Variants in PARP8 observed in about 807,000 individuals in gnomAD.
PARP8 encodes protein mono-ADP-ribosyltransferase PARP8.
A neutral mutation model predicts 124.1 loss-of-function variants in PARP8; 51 were observed. That is an observed-to-expected ratio of 0.41 (90% CI 0.33 to 0.52). PARP8 has a LOEUF of 0.52. Among genes scored for constraint, PARP8 ranks in the 20% least tolerant of loss-of-function variants. The pLI is 0.21. For synonymous variants in PARP8, 391 were observed against 361.5 expected (o/e 1.08, Z -0.93); for missense variants, 860 against 1,018.9 (o/e 0.84, Z 2.12).
At chr5:50,779,930 C>T (rs1399421009) in intron 9 of PARP8, among the ~76,000 whole-genome samples, 1 of 152,028 alleles carries the variant, frequency 6.6e-6, no homozygotes, top group African/African-American at 2.4e-5. Flanking sequence ...ATATAAATTA[C>T]ATATTCTAAC....
At chr5:50,771,317 G>A (rs1424939697) in intron 7 of PARP8, among the ~76,000 whole-genome samples, 3 of 151,952 alleles carry the variant, frequency 2.0e-5, no homozygotes, top group Non-Finnish European at 2.9e-5. Context: ...TTGCCACCAC[G>A]CCTGGCTAAT....
At chr5:50,768,170 A>G (rs1370468229) in intron 7 of PARP8, among the ~76,000 whole-genome samples, 2 of 152,226 alleles carry the variant, frequency 1.3e-5, no homozygotes, top group Non-Finnish European at 2.9e-5. Context: ...TTTATAGACA[A>G]AGGAGGACCA....
chr5:50,834,782 C>T (rs1254233752), intron 24 of PARP8, 149 bp from the exon 25 acceptor site: 43 of 698,590 alleles, frequency 6.2e-5, no homozygotes, highest in Non-Finnish European at 2.1e-5. Flanking sequence ...TATATTTCTT[C>T]ATAGACAATA....
intron 7 of PARP8, among the ~76,000 whole-genome samples, chr5:50,777,588 A>G (rs1740172638): frequency 6.6e-6 from 1 of 151,916 alleles, no homozygotes; most frequent in South Asian, 2.1e-4. Flanking sequence ...CAAAACACTG[A>G]CATTTAAGTG....
At chr5:50,771,197 T>C (rs1443400580) in intron 7 of PARP8, among the ~76,000 whole-genome samples, 1 of 151,990 alleles carries the variant, frequency 6.6e-6, no homozygotes, top group Non-Finnish European at 1.5e-5. Flanking sequence ...TTTGCTCTTG[T>C]TGCCCAAGCT....
At chr5:50,772,148 AG>A (rs1196791291) in intron 7 of PARP8, among the ~76,000 whole-genome samples, 24 of 152,224 alleles carry the variant, frequency 1.6e-4, no homozygotes, top group African/African-American at 5.3e-4. Context: ...TGTGTCCTCC[AG>A]GTTTATCCAT....
At chr5:50,834,829 A>G (rs746241705) in intron 24 of PARP8, 102 bp from the exon 25 acceptor site, 63 of 969,068 alleles carry the variant, frequency 6.5e-5, no homozygotes, top group Middle Eastern at 6.2e-4. Context: ...TAGTGCTTGT[A>G]TTTTTGCTTT....
At chr5:50,699,695 A>G (rs1753386402) in intron 2 of PARP8, among the ~76,000 whole-genome samples, 1 of 152,200 alleles carries the variant, frequency 6.6e-6, no homozygotes, top group Non-Finnish European at 1.5e-5. Flanking sequence ...GAATGTGATT[A>G]TATGGGCCTC....
At chr5:50,769,485 A>G (rs2149591362) in intron 7 of PARP8, among the ~76,000 whole-genome samples, 1 of 152,190 alleles carries the variant, frequency 6.6e-6, no homozygotes, top group South Asian at 2.1e-4. Context: ...TTTAAAAAGT[A>G]ACTAAACAAC....
chr5:50,707,639 G>C lies in PARP8; in HGVS notation c.146+39514G>C, dbSNP rs1406553923. Among the ~76,000 whole-genome samples the C allele has an allele frequency of 7.3e-5, 11 of 151,148 alleles. 1 individual carries two copies. In the East Asian group the frequency reaches 2.2e-3, roughly 30 times the overall value. Reference sequence around the variant, plus strand: ...TAGATAGGGGAGACAGAGAGAGAGAGAGAGAGAGAGAGAGAGAGAGAGAGA... The same window carrying C: ...TAGATAGGGGAGACAGAGAGAGAGACAGAGAGAGAGAGAGAGAGAGAGAGA... On this transcript the variant is annotated intron_variant, in intron 2 of 25. Coordinates refer to ENST00000281631, the MANE Select transcript of PARP8 (RefSeq NM_024615.4).
At chr5:50,822,507 G>T in intron 17 of PARP8, 107 bp downstream of exon 17, 1 of 854,134 alleles carries the variant, frequency 1.2e-6, no homozygotes, top group East Asian at 2.5e-5. Flanking sequence ...TTAAAAATTT[G>T]TGCGGTATTA....
At chr5:50,698,360 A>T (rs144374719) in intron 2 of PARP8, among the ~76,000 whole-genome samples, 1 of 152,218 alleles carries the variant, frequency 6.6e-6, no homozygotes, top group Non-Finnish European at 1.5e-5. Context: ...TATTGTTTTC[A>T]GGGCTACCTG....
chr5:50,836,416 A>G lies in PARP8; in HGVS notation c.2462+1401A>G, dbSNP rs145693186. Among the ~76,000 whole-genome samples the G allele has an allele frequency of 3.1e-3, 468 of 152,306 alleles. 1 individual carries two copies. The highest frequency in any genetic ancestry group is 4.9e-3 in the Non-Finnish European group (331 of 68,018). On this transcript the variant is annotated intron_variant, in intron 25 of 25. Coordinates refer to ENST00000281631, the MANE Select transcript of PARP8 (RefSeq NM_024615.4). The stretch of plus-strand genomic sequence containing the variant: ...GGTCATCCACAATTAGATTATTTAC[A>G]AGGGTATGATTATAAGGAAACCGCA...
chr5:50,829,532 G>A (rs1236547073), intron 21 of PARP8, among the ~76,000 whole-genome samples: 1 of 152,058 alleles, frequency 6.6e-6, no homozygotes, highest in Non-Finnish European at 1.5e-5. Flanking sequence ...TGAGCAGGAC[G>A]CTTTGTTTAT....
chr5:50,773,543 A>G (rs1375726260), intron 7 of PARP8, among the ~76,000 whole-genome samples: 1 of 152,106 alleles, frequency 6.6e-6, no homozygotes, highest in Non-Finnish European at 1.5e-5. Flanking sequence ...GTCTATTTTT[A>G]TGCTGGTCCC....
intron 2 of PARP8, among the ~76,000 whole-genome samples, chr5:50,716,703 A>T (rs1320216563): frequency 6.6e-6 from 1 of 152,086 alleles, no homozygotes; most frequent in African/African-American, 2.4e-5. Context: ...AATTTCTTTA[A>T]CATGGTTTAA....
At chr5:50,776,008 T>C (rs1187766295) in intron 7 of PARP8, among the ~76,000 whole-genome samples, 2 of 152,254 alleles carry the variant, frequency 1.3e-5, no homozygotes, top group East Asian at 3.8e-4. Context: ...TTTTTTCTTA[T>C]TCAATGTGAT....
intron 3 of PARP8, among the ~76,000 whole-genome samples, chr5:50,750,411 G>A (rs553739293): frequency 1.8e-3 from 274 of 152,104 alleles, no homozygotes; most frequent in Middle Eastern, 3.4e-3. Flanking sequence ...GTTCTTTAAA[G>A]ATCCCTATGA....
intron 2 of PARP8, among the ~76,000 whole-genome samples, chr5:50,720,505 A>C (rs1225027062): frequency 6.6e-6 from 1 of 152,034 alleles, no homozygotes; most frequent in Non-Finnish European, 1.5e-5. Context: ...GAAGAATGGA[A>C]GAAGAAGGTG....
Sources: allele counts gnomAD v4.1 joint callset (sites outside exome capture counted in the v4.1 genomes callset), GRCh38; gene constraint gnomAD v4.1.1; transcripts MANE v1.5; gene names NCBI Gene and HGNC (gene_info 2026-07-23, HGNC 2026-07-21).